RBFOX1: variants seen among roughly 807,000 people sequenced by gnomAD.
RBFOX1 encodes RNA binding protein fox-1 homolog 1.
A neutral mutation model predicts 57.7 loss-of-function variants in RBFOX1; 8 were observed. That is an observed-to-expected ratio of 0.14 (90% CI 0.08 to 0.25). The LOEUF (loss-of-function observed/expected upper bound fraction) is 0.25, where lower values mean the gene tolerates loss of function less well. Ranked by LOEUF, RBFOX1 falls within the 10% of genes least tolerant of loss-of-function variation. The pLI is 1.00. For synonymous variants in RBFOX1, 326 were observed against 222.4 expected (o/e 1.47, Z -4.15); for missense variants, 611 against 548.5 (o/e 1.11, Z -1.14).
chr16:7,110,760 G>A lies in RBFOX1; in HGVS notation c.27+58662G>A, dbSNP rs191446340. On this transcript the variant is annotated intron_variant, in intron 4 of 15. Coordinates refer to ENST00000550418, the MANE Select transcript of RBFOX1 (RefSeq NM_018723.4). ...TTGAGTTTTTCTTAAAATTGTGCAC[G>A]TAATATTACAAAGTGGTCATGTCAC... Among the ~76,000 whole-genome samples the A allele has an allele frequency of 9.2e-5, 14 of 152,232 alleles. 1 individual carries two copies. The highest frequency in any genetic ancestry group is 1.3e-4 in the Admixed American group (2 of 15,282).
At chr16:5,371,559 T>C (rs575846132) in intron 1 of RBFOX1, among the ~76,000 whole-genome samples, 1 of 152,352 alleles carries the variant, frequency 6.6e-6, no homozygotes, top group African/African-American at 2.4e-5. Context: ...AGCAGACTGC[T>C]GTATCTACCT....
At chr16:5,878,140 G>C (rs1334079471) in intron 4 of RBFOX1, among the ~76,000 whole-genome samples, 1 of 152,180 alleles carries the variant, frequency 6.6e-6, no homozygotes, top group Non-Finnish European at 1.5e-5. Flanking sequence ...TGGATAAGGG[G>C]TAGGGGATGA....
At chr16:7,006,065 A>G (rs2093273437) in intron 3 of RBFOX1, among the ~76,000 whole-genome samples, 1 of 152,178 alleles carries the variant, frequency 6.6e-6, no homozygotes, top group Non-Finnish European at 1.5e-5. Context: ...CCTTTGCAAT[A>G]GGTAGTAAAC....
intron 3 of RBFOX1, among the ~76,000 whole-genome samples, chr16:5,851,402 C>T (rs1323792478): frequency 6.6e-6 from 1 of 152,164 alleles, no homozygotes; most frequent in African/African-American, 2.4e-5. Flanking sequence ...TAGACCGCCT[C>T]TCTCTGCATC....
intron 2 of RBFOX1, among the ~76,000 whole-genome samples, chr16:6,352,351 G>T (rs528282082): frequency 6.6e-6 from 1 of 152,078 alleles, no homozygotes; most frequent in Non-Finnish European, 1.5e-5. Context: ...TAAACTATCC[G>T]TATTTGTTGA....
chr16:7,186,952 G>GTTTGAGACC (rs1440513681), intron 4 of RBFOX1, among the ~76,000 whole-genome samples: 2 of 134,920 alleles, frequency 1.5e-5, no homozygotes, highest in African/African-American at 5.5e-5. Flanking sequence ...GAGACTGGGA[G>GTTTGAGACC]TTTGAGACCA....
At chr16:7,538,054 A>G (rs1168586532) in intron 5 of RBFOX1, among the ~76,000 whole-genome samples, 2 of 152,178 alleles carry the variant, frequency 1.3e-5, no homozygotes, top group Non-Finnish European at 2.9e-5. Flanking sequence ...TGAGAAATCA[A>G]TGGAGGTACC....
intron 3 of RBFOX1, among the ~76,000 whole-genome samples, chr16:5,660,906 GA>G (rs2049625000): frequency 6.6e-6 from 1 of 152,160 alleles, no homozygotes; most frequent in Non-Finnish European, 1.5e-5. Context: ...AATTGAGGAT[GA>G]ATTGCCTCCA....
chr16:7,475,351 G>C (rs1337096144), intron 4 of RBFOX1, among the ~76,000 whole-genome samples: 2 of 142,810 alleles, frequency 1.4e-5, no homozygotes, highest in African/African-American at 2.6e-5. Context: ...GTCTCGCTCT[G>C]TCACCCAGGC....
At chr16:6,660,775 C>G (rs1191211460) in intron 3 of RBFOX1, among the ~76,000 whole-genome samples, 1 of 58,426 alleles carries the variant, frequency 1.7e-5, no homozygotes, top group East Asian at 5.1e-4. Context: ...TTTATTTTTG[C>G]TGGTATCCAC....
intron 3 of RBFOX1, among the ~76,000 whole-genome samples, chr16:6,797,676 A>G (rs2084401710): frequency 6.6e-6 from 1 of 152,164 alleles, no homozygotes; most frequent in Admixed American, 6.5e-5. Flanking sequence ...CTAGAGATTT[A>G]TGAGTAAATT....
chr16:6,963,865 A>T (rs1363792585), intron 3 of RBFOX1, among the ~76,000 whole-genome samples: 3 of 151,228 alleles, frequency 2.0e-5, no homozygotes, highest in African/African-American at 7.3e-5. Flanking sequence ...CGCCTGGCTA[A>T]TTTTTTGTAT....
chr16:6,130,655 A>G (rs1284397478), intron 1 of RBFOX1, among the ~76,000 whole-genome samples: 1 of 152,168 alleles, frequency 6.6e-6, no homozygotes, highest in African/African-American at 2.4e-5. Flanking sequence ...ACAGAGACAC[A>G]GTTAGATTGA....
chr16:6,248,143 C>A (rs887849910), intron 1 of RBFOX1, among the ~76,000 whole-genome samples: 1 of 152,014 alleles, frequency 6.6e-6, no homozygotes, highest in Non-Finnish European at 1.5e-5. Flanking sequence ...AAGAGGCTGA[C>A]CTTAAGTTGC....
chr16:7,494,986 G>C (rs956103853), intron 4 of RBFOX1, among the ~76,000 whole-genome samples: 1 of 152,014 alleles, frequency 6.6e-6, no homozygotes, highest in African/African-American at 2.4e-5. Flanking sequence ...TGCCATTTTA[G>C]TAGTCCCCCG....
At chr16:6,058,220 T>A (rs1263752965) in intron 1 of RBFOX1, among the ~76,000 whole-genome samples, 1 of 152,118 alleles carries the variant, frequency 6.6e-6, no homozygotes, top group Non-Finnish European at 1.5e-5. Flanking sequence ...ATCAGAAATA[T>A]GAGTGTTTAT....
chr16:5,657,523 G>T (rs1228655510), intron 3 of RBFOX1, among the ~76,000 whole-genome samples: 1 of 152,114 alleles, frequency 6.6e-6, no homozygotes, highest in Non-Finnish European at 1.5e-5. Flanking sequence ...GCACAGTGTG[G>T]CTCAGCTGTC....
intron 3 of RBFOX1, among the ~76,000 whole-genome samples, chr16:6,957,520 T>TG (rs1173948758): frequency 1.3e-5 from 2 of 152,120 alleles, no homozygotes; most frequent in African/African-American, 2.4e-5. Context: ...TTCACCGTGC[T>TG]GGGGGGAGTG....
chr16:5,258,871 G>A (rs1272493581), intron 1 of RBFOX1, among the ~76,000 whole-genome samples: 6 of 151,790 alleles, frequency 4.0e-5, no homozygotes, highest in Admixed American at 3.9e-4. Context: ...AGCTAAGATT[G>A]CACCACTGCA....
Sources: gnomAD v4.1 joint callset for allele counts (sites outside exome capture counted in the v4.1 genomes callset) on GRCh38, gnomAD v4.1.1 for gene constraint, MANE v1.5 for transcripts, NCBI Gene and HGNC (gene_info 2026-07-23, HGNC 2026-07-21) for gene names.